MYO9A: variants seen among roughly 807,000 people sequenced by gnomAD.
The protein encoded by MYO9A is unconventional myosin-IXa.
A neutral mutation model predicts 293.3 loss-of-function variants in MYO9A; 103 were observed. The ratio of observed to expected loss-of-function variants is 0.35; its 90% CI spans 0.30 to 0.41. The LOEUF is 0.41. Ranked by LOEUF, MYO9A falls within the 10% of genes least tolerant of loss-of-function variation. The pLI is 1.00. For synonymous variants in MYO9A, 1,001 were observed against 1,035.7 expected (o/e 0.97, Z 0.64); for missense variants, 2,685 against 3,033.0 (o/e 0.89, Z 2.69).
chr15:72,038,524 A>C (rs1054090014), intron 2 of MYO9A, among the ~76,000 whole-genome samples: 1 of 152,248 alleles, frequency 6.6e-6, no homozygotes, highest in African/African-American at 2.4e-5. Context: ...ATTGGGGCAG[A>C]GCAAGATGTG....
At chr15:71,892,036 C>T (rs1367161450) in intron 26 of MYO9A, 9 of 152,172 alleles carry the variant, frequency 5.9e-5, no homozygotes, top group Admixed American at 5.9e-4. Flanking sequence ...CACTCTACTT[C>T]ATCAGTGATG....
chr15:71,857,955 C>A (rs551586271), intron 34 of MYO9A, among the ~76,000 whole-genome samples: 1 of 152,396 alleles, frequency 6.6e-6, no homozygotes, highest in East Asian at 1.9e-4. Context: ...AGGATATGAA[C>A]AGACACTTCT....
In MYO9A at chr15:72,010,687, A is replaced by C. The variant is rs552001941; in HGVS notation, c.1156-240T>G. Among the ~76,000 whole-genome samples, 8 of 152,294 alleles carry C rather than the reference A, an allele frequency of 5.3e-5. No individual in the cohort carries two copies. The East Asian group carries it at 1.5e-3, about 29-fold the overall frequency. Reference sequence around the variant, plus strand: ...TTTTGTTCTCCCTTTCACAATCACCAAGATTAGGATTTCAAAAGTTAACTT... The same window carrying C: ...TTTTGTTCTCCCTTTCACAATCACCCAGATTAGGATTTCAAAAGTTAACTT... On this transcript the variant is annotated intron_variant, in intron 6 of 41. Coordinates refer to ENST00000356056, the MANE Select transcript of MYO9A (RefSeq NM_006901.4).
At chr15:71,866,718 TG>T (rs2056338966) in intron 32 of MYO9A, among the ~76,000 whole-genome samples, 1 of 152,122 alleles carries the variant, frequency 6.6e-6, no homozygotes, top group Non-Finnish European at 1.5e-5. Context: ...ATCAAATAGT[TG>T]GAATGGCTCA....
chr15:71,864,451 C>A (rs2056255486), intron 32 of MYO9A, among the ~76,000 whole-genome samples: 4 of 152,116 alleles, frequency 2.6e-5, no homozygotes, highest in Admixed American at 2.6e-4. Flanking sequence ...CATAGAGTTG[C>A]CACTTGACCC....
At chr15:72,116,027 T>C (rs2080961178) in intron 1 of MYO9A, among the ~76,000 whole-genome samples, 1 of 152,174 alleles carries the variant, frequency 6.6e-6, no homozygotes, top group Admixed American at 6.5e-5. Context: ...AAACAGGCTA[T>C]GTATAGAATG....
intron 15 of MYO9A, among the ~76,000 whole-genome samples, chr15:71,943,904 C>T (rs940081657): frequency 1.3e-5 from 2 of 152,046 alleles, no homozygotes; most frequent in Non-Finnish European, 2.9e-5. Context: ...ATTCATGAAA[C>T]ATATGGGAAA....
At chr15:72,013,402 T>C (rs2077230418) in intron 6 of MYO9A, among the ~76,000 whole-genome samples, 5 of 152,164 alleles carry the variant, frequency 3.3e-5, no homozygotes, top group Admixed American at 3.3e-4. Flanking sequence ...GAAAAAGCCT[T>C]CAGGCCCCAG....
At chr15:71,958,098 C>T (rs2059245572) in intron 14 of MYO9A, among the ~76,000 whole-genome samples, 1 of 152,132 alleles carries the variant, frequency 6.6e-6, no homozygotes, top group South Asian at 2.1e-4. Flanking sequence ...CAGATTTCAT[C>T]TTCTTTCTTC....
intron 12 of MYO9A, among the ~76,000 whole-genome samples, chr15:71,975,996 G>T (rs1305613235): frequency 1.3e-5 from 2 of 152,158 alleles, no homozygotes; most frequent in Admixed American, 1.3e-4. Context: ...CGTTTTCCCT[G>T]AGTTCTGCAA....
At position 71,878,208 on chromosome 15, in the gene MYO9A, C is replaced by T; in HGVS notation, c.5763G>A (p.Arg1921=). 6.4e-7 allele frequency: 1 copy of T among 1,561,342 alleles called. No homozygotes were observed. The highest frequency in any genetic ancestry group is 2.1e-5 in the Admixed American group (1 of 47,222). Reference sequence around the variant, plus strand: ...CAAATAGTGCATAGAGGTCTTTATACCGTATGCTTTTCCCATCATCCATCT... The same window carrying T: ...CAAATAGTGCATAGAGGTCTTTATATCGTATGCTTTTCCCATCATCCATCT... ...ALAMDDGKSI[R]YKDLYALFEQ... is the part of the protein sequence containing the mutation. The change falls in exon 31 of 42, where the codon CGG becomes CGA. Residue 1921 remains arginine (R), a synonymous_variant. Coordinates refer to ENST00000356056, the MANE Select transcript of MYO9A (RefSeq NM_006901.4).
intron 12 of MYO9A, 84 bp downstream of exon 12, chr15:71,978,087 G>T: frequency 6.8e-7 from 1 of 1,472,754 alleles, no homozygotes. Flanking sequence ...CTCTTTATTT[G>T]GTAATGTAAG....
chr15:71,934,192 A>C (rs2058561935), intron 17 of MYO9A, among the ~76,000 whole-genome samples: 1 of 152,142 alleles, frequency 6.6e-6, no homozygotes, highest in Admixed American at 6.6e-5. Flanking sequence ...TACTTAAATC[A>C]AGTCTTTTTA....
intron 25 of MYO9A, 49 bp from the exon 26 acceptor site, chr15:71,893,827 A>T: frequency 6.8e-7 from 1 of 1,472,516 alleles, no homozygotes; most frequent in Non-Finnish European, 9.4e-7. Context: ...CAGATATCCC[A>T]TGGCAGCCAG....
intron 1 of MYO9A, among the ~76,000 whole-genome samples, chr15:72,073,416 A>G (rs1339707743): frequency 6.6e-6 from 1 of 152,236 alleles, no homozygotes; most frequent in African/African-American, 2.4e-5. Flanking sequence ...CATTGTATCT[A>G]GGCATACCCC....
At chr15:72,033,960 C>T (rs1219214424) in intron 2 of MYO9A, among the ~76,000 whole-genome samples, 1 of 152,174 alleles carries the variant, frequency 6.6e-6, no homozygotes, top group African/African-American at 2.4e-5. Flanking sequence ...ATGGCATGCC[C>T]TCTAACTCCA....
rs1415767638 is a variant in MYO9A at position 71,883,659 on chromosome 15, G to A, written c.5333C>T (p.Thr1778Ile). The A allele has an allele frequency of 6.2e-7, 1 of 1,613,508 alleles. No individual in the cohort carries two copies. Among genetic ancestry groups the A allele is most frequent in the African/African-American group, 1.3e-5 (1 of 74,878 alleles). Residue 1778 changes from threonine (T) to isoleucine (I), a missense_variant, in exon 28 of 42, where the codon ACC (threonine) becomes ATC (isoleucine). Thr to Ile is a moderately conservative substitution (Grantham distance 89). Coordinates refer to ENST00000356056, the MANE Select transcript of MYO9A (RefSeq NM_006901.4). ...AAAGAGTGGCGAAACCTCTGACTGG[G>A]TAGTAGGTTTCACTCTGGTAGTCTT... ...EKKTTRVKPT[T>I]QSEVSPLFAG...
chr15:72,010,217 G>C (rs2077133421), intron 7 of MYO9A, 133 bp downstream of exon 7: 1 of 589,592 alleles, frequency 1.7e-6, no homozygotes, highest in African/African-American at 1.9e-5. Context: ...TAGAAATAAT[G>C]CTCGAGATGG....
At chr15:71,919,557 T>C (rs1482698894) in intron 18 of MYO9A, among the ~76,000 whole-genome samples, 8 of 151,960 alleles carry the variant, frequency 5.3e-5, no homozygotes, top group Admixed American at 4.6e-4. Context: ...TCAATAAATA[T>C]TAGTTTGAAT....
Sources: allele counts gnomAD v4.1 joint callset (sites outside exome capture counted in the v4.1 genomes callset), GRCh38; gene constraint gnomAD v4.1.1; transcripts MANE v1.5; gene names NCBI Gene and HGNC (gene_info 2026-07-23, HGNC 2026-07-21).